The following PCDHA13 variants were observed in gnomAD, a reference collection of about 807,000 sequenced individuals.
The protein encoded by PCDHA13 is protocadherin alpha-13.
A neutral mutation model predicts 64.8 loss-of-function variants in PCDHA13; 54 were observed. That is an observed-to-expected ratio of 0.83 (90% CI 0.67 to 1.04). PCDHA13 has a LOEUF of 1.04. Among genes scored for constraint, PCDHA13 ranks in the 50% least tolerant of loss-of-function variants. The pLI, the probability that PCDHA13 is intolerant of heterozygous loss-of-function variation, is 0.00. For missense variants in PCDHA13, 1,248 were observed against 1,254.3 expected, an observed-to-expected ratio of 0.99 and a Z score of 0.08; for synonymous variants, 587 against 564.4, an observed-to-expected ratio of 1.04 and a Z score of -0.57.
chr5:141,009,690 T>G lies in PCDHA13; in HGVS notation c.2606T>G (p.Phe869Cys). The G allele has an allele frequency of 6.2e-7, 1 of 1,614,068 alleles. No homozygotes were observed. The highest frequency in any genetic ancestry group is 8.5e-7 in the Non-Finnish European group (1 of 1,180,024). The change falls in exon 4 of 4, where the codon TTT (phenylalanine) becomes TGT (cysteine). Residue 869 changes from phenylalanine to cysteine, a missense_variant. Phe to Cys is a radical substitution (Grantham distance 205). Coordinates refer to ENST00000289272, the MANE Select transcript of PCDHA13 (RefSeq NM_018904.3). ...GGTGTCAACAGCAACAGCTGGACCT[T>G]TAAATACGGACCAGGCAACCCCAAA... ...GAGVNSNSWT[F>C]KYGPGNPKQS...
chr5:140,968,744 G>A (rs782484391), intron 1 of PCDHA13: 20 of 1,614,164 alleles, frequency 1.2e-5, no homozygotes, highest in East Asian at 2.2e-5. Context: ...CAACCTGACC[G>A]TGGTGGTCCG....
Position 140,882,302 on chromosome 5 carries a change from C to T in PCDHA13, c.34C>T (p.Arg12Trp), listed in dbSNP as rs2059055627. The change falls in exon 1 of 4, where the codon CGG becomes TGG. Residue 12 changes from arginine to tryptophan, a missense_variant. By Grantham distance (101) the Arg-to-Trp change is moderately radical. Transcript: ENST00000289272. Reference protein sequence around the residue: ...LSSWQGGPRPRQLLLWLLILA... With the variant: ...LSSWQGGPRPWQLLLWLLILA... ...TTCCTGGCAAGGAGGCCCAAGACCG[C>T]GGCAACTACTGCTCTGGCTTCTGAT... The T allele has an allele frequency of 1.2e-6, 2 of 1,613,794 alleles. No individual in the cohort carries two copies. The highest frequency in any genetic ancestry group is 8.5e-7 in the Non-Finnish European group (1 of 1,179,748).
chr5:140,947,570 TG>T (rs2094146227), intron 1 of PCDHA13, among the ~76,000 whole-genome samples: 1 of 151,820 alleles, frequency 6.6e-6, no homozygotes, highest in African/African-American at 2.4e-5. Flanking sequence ...ATATTGGGAA[TG>T]TTTTTAACAT....
chr5:141,006,448 C>T lies in PCDHA13; in HGVS notation c.2543-3179C>T, dbSNP rs968765348. ...CAGGATGGTCTCAATCTCCTGACCT[C>T]GAGATCTGCCTGTCTCGGCCTCCCA... On this transcript the variant is annotated intron_variant, in intron 3 of 3. Coordinates refer to ENST00000289272, the MANE Select transcript of PCDHA13 (RefSeq NM_018904.3). Among the ~76,000 whole-genome samples, 4 of 152,122 alleles carry T rather than the reference C, an allele frequency of 2.6e-5. No homozygotes were observed. In the East Asian group the frequency reaches 7.7e-4, roughly 29 times the overall value.
chr5:140,937,106 C>T (rs2091337574), intron 1 of PCDHA13, among the ~76,000 whole-genome samples: 1 of 149,206 alleles, frequency 6.7e-6, no homozygotes, highest in Admixed American at 6.7e-5. Context: ...GGCGCAGTCT[C>T]GGCTCACTGC....
At position 140,882,346 on chromosome 5, in the gene PCDHA13, G is replaced by C. The variant is rs146510190; in HGVS notation, c.78G>C (p.Thr26=). 1,878 of 1,614,194 alleles carry C rather than the reference G, an allele frequency of 1.2e-3. 37 individuals are homozygous for C. In the South Asian group the frequency reaches 0.019, roughly 17 times the overall value. The change falls in exon 1 of 4, where the codon ACG becomes ACC. Residue 26 remains threonine, a synonymous_variant. Transcript: ENST00000289272. ...LWLLILAAWE[T]GSGQLHYSVP... is the part of the protein sequence containing the mutation. ...TTCTGATCCTCGCAGCCTGGGAGAC[G>C]GGTAGTGGCCAGCTCCACTACTCCG...
intron 1 of PCDHA13, among the ~76,000 whole-genome samples, chr5:140,925,899 G>A (rs149135478): frequency 2.0e-5 from 3 of 151,846 alleles, no homozygotes; most frequent in African/African-American, 7.3e-5. Context: ...CACCCAGATC[G>A]TCAAGGGCCG....
chr5:140,886,014 CTA>C (rs1317969139), intron 1 of PCDHA13, among the ~76,000 whole-genome samples: 1 of 152,078 alleles, frequency 6.6e-6, no homozygotes, highest in Non-Finnish European at 1.5e-5. Flanking sequence ...AAGGGAGATG[CTA>C]TGTATTCTTC....
chr5:140,928,012 A>C, intron 1 of PCDHA13: 2 of 1,614,190 alleles, frequency 1.2e-6, no homozygotes, highest in Non-Finnish European at 1.7e-6. Context: ...TTCTAATGGT[A>C]GGGTCATTTG....
intron 1 of PCDHA13, among the ~76,000 whole-genome samples, chr5:140,958,318 CA>C (rs2095417948): frequency 6.6e-6 from 1 of 151,816 alleles, no homozygotes; most frequent in Non-Finnish European, 1.5e-5. Flanking sequence ...AATTAGAGCT[CA>C]AAAAATAAAT....
intron 1 of PCDHA13, among the ~76,000 whole-genome samples, chr5:140,949,557 T>C (rs955949496): frequency 6.6e-6 from 1 of 151,888 alleles, no homozygotes; most frequent in Non-Finnish European, 1.5e-5. Flanking sequence ...CTGGTCATAC[T>C]TTTTTTCTTG....
At position 140,882,327 on chromosome 5, in the gene PCDHA13, T is replaced by C; in HGVS notation, c.59T>C (p.Ile20Thr). ...CGGCAACTACTGCTCTGGCTTCTGA[T>C]CCTCGCAGCCTGGGAGACGGGTAGT... is the stretch of plus-strand genomic sequence containing the variant. ...RPRQLLLWLL[I>T]LAAWETGSGQ... Residue 20 changes from isoleucine to threonine, a missense_variant, in exon 1 of 4, where the codon ATC (isoleucine) becomes ACC (threonine). Ile to Thr is a moderately conservative substitution (Grantham distance 89). Transcript: ENST00000289272. The C allele has an allele frequency of 6.2e-7, 1 of 1,614,172 alleles. No individual in the cohort carries two copies. The highest frequency in any genetic ancestry group is 8.5e-7 in the Non-Finnish European group (1 of 1,180,028).
At chr5:140,959,826 T>C (rs2095512884) in intron 1 of PCDHA13, among the ~76,000 whole-genome samples, 1 of 152,224 alleles carries the variant, frequency 6.6e-6, no homozygotes, top group Non-Finnish European at 1.5e-5. Flanking sequence ...CACATGATAA[T>C]GTATTATGCC....
intron 1 of PCDHA13, among the ~76,000 whole-genome samples, chr5:140,908,899 C>CT (rs1382483322): frequency 6.6e-6 from 1 of 152,194 alleles, no homozygotes; most frequent in Non-Finnish European, 1.5e-5. Flanking sequence ...AAATAAGCCT[C>CT]TTTCGTGGTT....
chr5:140,931,161 C>G (rs1214685588), intron 1 of PCDHA13, among the ~76,000 whole-genome samples: 5 of 152,132 alleles, frequency 3.3e-5, no homozygotes, highest in African/African-American at 1.2e-4. Flanking sequence ...AATAGAATCT[C>G]AGTTAATTTT....
At chr5:140,987,982 C>T (rs781838400) in intron 3 of PCDHA13, among the ~76,000 whole-genome samples, 16 of 152,206 alleles carry the variant, frequency 1.1e-4, no homozygotes, top group Non-Finnish European at 1.5e-4. Flanking sequence ...TCCATGGAGA[C>T]TCCATCTCTG....
chr5:140,964,918 G>A (rs563180752), intron 1 of PCDHA13, among the ~76,000 whole-genome samples: 59 of 152,308 alleles, frequency 3.9e-4, no homozygotes, highest in Admixed American at 3.4e-3. Context: ...GAATAACACT[G>A]GCTAGGTAGT....
chr5:141,000,375 C>G (rs1253953172), intron 3 of PCDHA13, among the ~76,000 whole-genome samples: 8 of 57,690 alleles, frequency 1.4e-4, no homozygotes, highest in Non-Finnish European at 1.9e-4. Context: ...CTCTCTCTCT[C>G]TCTCTCTCTC....
chr5:140,884,105 C>T lies in PCDHA13; in HGVS notation c.1837C>T (p.Leu613=). 2 of 1,613,466 alleles carry T rather than the reference C, an allele frequency of 1.2e-6. No individual in the cohort carries two copies. The highest frequency in any genetic ancestry group is 2.2e-5 in the South Asian group (2 of 91,048). ...TGCGTGGCTTTCGTATGAATTGCAG[C>T]TGGCGGCGGTCGGCGCGCGCATCCC... ...YNAWLSYELQ[L]AAVGARIPFR... is the part of the protein sequence containing the mutation. Residue 613 remains leucine, a synonymous_variant, in exon 1 of 4, where the codon CTG becomes TTG. Coordinates refer to ENST00000289272, the MANE Select transcript of PCDHA13 (RefSeq NM_018904.3).
Sources: gnomAD v4.1 joint callset for allele counts (sites outside exome capture counted in the v4.1 genomes callset) on GRCh38, gnomAD v4.1.1 for gene constraint, MANE v1.5 for transcripts, NCBI Gene and HGNC (gene_info 2026-07-23, HGNC 2026-07-21) for gene names.